Variants in PLEKHH1 observed in about 807,000 individuals in gnomAD.
The protein encoded by PLEKHH1 is pleckstrin homology domain-containing family H member 1.
PLEKHH1 carries 104 observed loss-of-function variants against 160.0 expected under a neutral mutation model. The ratio of observed to expected loss-of-function variants is 0.65; its 90% confidence interval spans 0.55 to 0.76. The LOEUF (loss-of-function observed/expected upper bound fraction) is 0.76. PLEKHH1 is among the 30% of genes least tolerant of loss of function. PLEKHH1 has a pLI of 0.00. For synonymous variants in PLEKHH1, 619 were observed against 678.4 expected, an observed-to-expected ratio of 0.91 and a Z score of 1.36; for missense variants, 1,427 against 1,724.1, an observed-to-expected ratio of 0.83 and a Z score of 3.05.
At chr14:67,544,282 G>A (rs576977113) in intron 2 of PLEKHH1, among the ~76,000 whole-genome samples, 7 of 152,098 alleles carry the variant, frequency 4.6e-5, no homozygotes, top group Admixed American at 1.3e-4. Context: ...AGAACCTGAC[G>A]ATAACACTGG....
rs759201407 is a variant in PLEKHH1, at chr14:67,573,928, G to T, written c.1926+41G>T. ...GCTGCTAGTATTTTAAACAGAAGAGGTGCTGGGTTTGGATATGGCCGTGAG... is the reference window on the plus strand; with the variant it reads ...GCTGCTAGTATTTTAAACAGAAGAGTTGCTGGGTTTGGATATGGCCGTGAG... On this transcript the variant is annotated intron_variant, in intron 13 of 28. Transcript: ENST00000329153. The surrounding 1 kb of genome is among the most constrained non-coding windows in gnomAD (Gnocchi z 4.8). The T allele has an allele frequency of 6.8e-7, 1 of 1,463,608 alleles. No homozygotes were observed. Among genetic ancestry groups the T allele is most frequent in the Non-Finnish European group, 9.6e-7 (1 of 1,042,334 alleles). 90.7% of individuals were successfully genotyped at this position (1,463,608 alleles called of 1,614,324 possible). A position where few individuals can be genotyped will look rare whatever the true frequency, so the allele number is the denominator to read the frequency against.
In PLEKHH1 at chr14:67,563,002, A is replaced by G. The variant is rs906443008; in HGVS notation, c.1263+108A>G. Reference sequence around the variant, plus strand: ...AGGAGAGGAGGCTGCTGGCATCCTCATGGTGGCCCTGGCAGGCAGGTACCA... The same window carrying G: ...AGGAGAGGAGGCTGCTGGCATCCTCGTGGTGGCCCTGGCAGGCAGGTACCA... On this transcript the variant is annotated intron_variant, in intron 7 of 28. Coordinates refer to ENST00000329153, the MANE Select transcript of PLEKHH1 (RefSeq NM_020715.3). 6.9e-6 allele frequency: 8 copies of G among 1,164,212 alleles called. No homozygotes were observed. In the South Asian group the frequency reaches 1.3e-4, roughly 19 times the overall value. The allele number at this position is 1,164,212 out of a possible 1,614,324, so 72.1% of individuals were successfully genotyped here. A position where few individuals can be genotyped will look rare whatever the true frequency, so the allele number is the denominator to read the frequency against.
intron 28 of PLEKHH1, chr14:67,586,447 C>T: frequency 7.7e-7 from 1 of 1,304,544 alleles, no homozygotes; most frequent in Non-Finnish European, 1.0e-6. Flanking sequence ...AGGGCAGATT[C>T]CTCTTTAAGG....
rs541130184 is a variant in PLEKHH1, at chr14:67,548,135, G to C, written c.126+6142G>C. On this transcript the variant is annotated intron_variant, in intron 2 of 28. Coordinates refer to ENST00000329153, the MANE Select transcript of PLEKHH1 (RefSeq NM_020715.3). Reference sequence around the variant, plus strand: ...TTGGCCTGCTAGAGAAGCCACAAAGGCTATTCAGACCAATTTAAAAATTGA... The same window carrying C: ...TTGGCCTGCTAGAGAAGCCACAAAGCCTATTCAGACCAATTTAAAAATTGA... Among the ~76,000 whole-genome samples the C allele has an allele frequency of 6.6e-5, 10 of 152,272 alleles. No homozygotes were observed. In the East Asian group the frequency reaches 1.5e-3, roughly 24 times the overall value.
chr14:67,538,323 C>T (rs1215260735), intron 1 of PLEKHH1, among the ~76,000 whole-genome samples: 1 of 152,198 alleles, frequency 6.6e-6, no homozygotes, highest in Non-Finnish European at 1.5e-5. Context: ...CTCCTTAGCT[C>T]TATGCAAGGC....
At position 67,576,097 on chromosome 14, in the gene PLEKHH1, AT is replaced by A; in HGVS notation, c.2352+95del. ...TTCTCCTGAGCTTCCCAAAATTCAA[AT>A]TTATTTCCTTTTGGACACTTTGGCA... On this transcript the variant is annotated intron_variant, in intron 16 of 28. Coordinates refer to ENST00000329153, the MANE Select transcript of PLEKHH1 (RefSeq NM_020715.3). This position sits in a 1 kb window ranked among gnomAD's most constrained non-coding sequence, Gnocchi z 4.0. 1 of 1,039,418 alleles carries A rather than the reference AT, an allele frequency of 9.6e-7. No homozygotes were observed. Among genetic ancestry groups the A allele is most frequent in the Non-Finnish European group, 1.4e-6 (1 of 706,494 alleles). 64.4% of individuals were successfully genotyped at this position (1,039,418 alleles called of 1,614,324 possible).
At chr14:67,577,551 C>G (rs760574839) in intron 18 of PLEKHH1, 137 bp downstream of exon 18, 96 of 630,990 alleles carry the variant, frequency 1.5e-4, no homozygotes, top group Non-Finnish European at 2.5e-4. Context: ...CCTATCACTT[C>G]CTGGATGGCA....
chr14:67,578,766 C>T lies in PLEKHH1; in HGVS notation c.2849+135C>T. 1.5e-6 allele frequency: 1 copy of T among 686,538 alleles called. No homozygotes were observed. Among genetic ancestry groups the T allele is most frequent in the Non-Finnish European group, 2.6e-6 (1 of 378,708 alleles). 42.5% of individuals were successfully genotyped at this position (686,538 alleles called of 1,614,324 possible). On this transcript the variant is annotated intron_variant, in intron 20 of 28. Coordinates refer to ENST00000329153, the MANE Select transcript of PLEKHH1 (RefSeq NM_020715.3). This position sits in a 1 kb window ranked among gnomAD's most constrained non-coding sequence, Gnocchi z 5.0. ...CCGCTCAGTGGTCGTGGAGACTTCA[C>T]CCATTGCCGTGTGCACAAATGGGCA...
At position 67,569,205 on chromosome 14, in the gene PLEKHH1, C is replaced by A. The variant is rs373456830; in HGVS notation, c.1331C>A (p.Thr444Asn). The change falls in exon 8 of 29, where the codon ACT becomes AAT. Residue 444 changes from threonine (T) to asparagine (N), a missense_variant. Transcript: ENST00000329153. ...TCAGATATGTCTCCCAGAAGTAATA[C>A]TGCATGCTGCGGTGAGTTCCAAGTG... is the stretch of plus-strand genomic sequence containing the variant. Reference protein sequence around the residue: ...RLSDMSPRSNTACCASSPPAL... With the variant: ...RLSDMSPRSNNACCASSPPAL... 6.2e-7 allele frequency: 1 copy of A among 1,610,700 alleles called. No individual in the cohort carries two copies. Among genetic ancestry groups the A allele is most frequent in the Middle Eastern group, 1.7e-4 (1 of 6,058 alleles).
At chr14:67,569,813 C>A in intron 8 of PLEKHH1, 108 bp from the exon 9 acceptor site, 1 of 733,606 alleles carries the variant, frequency 1.4e-6, no homozygotes, top group Non-Finnish European at 2.4e-6. Flanking sequence ...TGAGATCTGT[C>A]ACTGGCCTGC....
At chr14:67,585,713 TCTC>T (rs1462474859) in intron 27 of PLEKHH1, 59 bp downstream of exon 27, 2 of 1,299,814 alleles carry the variant, frequency 1.5e-6, no homozygotes, top group East Asian at 2.5e-5. Context: ...GGTCTTTTCT[TCTC>T]CTCTGTGGAC....
rs147595905 is a variant in PLEKHH1, at chr14:67,567,278, A to G, written c.1264-1860A>G. ...ATGAAATGTCAGAGAACATTTCTCA[A>G]TCTGACGGTGTGAGAAATACTTATG... On this transcript the variant is annotated intron_variant, in intron 7 of 28. Coordinates refer to ENST00000329153, the MANE Select transcript of PLEKHH1 (RefSeq NM_020715.3). Among the ~76,000 whole-genome samples the G allele has an allele frequency of 3.3e-3, 503 of 152,314 alleles. 7 individuals are homozygous for G. Among genetic ancestry groups the G allele is most frequent in the African/African-American group, 0.012 (482 of 41,562 alleles).
In PLEKHH1 at chr14:67,584,045, C is replaced by T. The variant is rs980772009; in HGVS notation, c.3620C>T (p.Ser1207Phe). The change falls in exon 26 of 29, where the codon TCC (serine) becomes TTC (phenylalanine). Residue 1207 changes from serine (S) to phenylalanine (F), a missense_variant. Physicochemically the swap from Ser to Phe is radical, Grantham distance 155 (BLOSUM62 -2). Transcript: ENST00000329153. Reference protein sequence around the residue: ...TTKWATLQGCSPPECIRIYLT... With the variant: ...TTKWATLQGCFPPECIRIYLT... ...AAATGGGCAACATTGCAAGGATGCT[C>T]CCCTCCTGAGTGCATCCGCATCTAC... is the stretch of plus-strand genomic sequence containing the variant. 1.2e-6 allele frequency: 2 copies of T among 1,613,958 alleles called. No homozygotes were observed. Among genetic ancestry groups the T allele is most frequent in the Non-Finnish European group, 1.7e-6 (2 of 1,179,850 alleles).
At position 67,588,308 on chromosome 14, in the gene PLEKHH1, A is replaced by G. The variant is rs1402384190; in HGVS notation, c.*1073A>G. On this transcript the variant is annotated 3_prime_UTR_variant, in exon 29 of 29. Coordinates refer to ENST00000329153, the MANE Select transcript of PLEKHH1 (RefSeq NM_020715.3). ...TCCTTCTTCTTGTAAAAGACCAAGC[A>G]AATGCACTCTGCTTTTTGCTGCTGT... 6.6e-6 allele frequency: 1 copy of G among 152,568 alleles called. No individual in the cohort carries two copies. The highest frequency in any genetic ancestry group is 1.5e-5 in the Non-Finnish European group (1 of 68,038). 9.5% of individuals were successfully genotyped at this position (152,568 alleles called of 1,614,324 possible).
rs879929478 is a variant in PLEKHH1 at position 67,577,479 on chromosome 14, G to A, written c.2574+65G>A. On this transcript the variant is annotated intron_variant, in intron 18 of 28. Transcript: ENST00000329153. ...TGCAATACTTGGGTGGAGAAGGCCT[G>A]TGCAGTTGGGGACAACCCACAGAGG... is the stretch of plus-strand genomic sequence containing the variant. The A allele has an allele frequency of 1.8e-5, 19 of 1,044,706 alleles. No homozygotes were observed. The East Asian group carries it at 2.8e-4, about 16-fold the overall frequency. The allele number at this position is 1,044,706 out of a possible 1,614,324, so 64.7% of individuals were successfully genotyped here.
chr14:67,572,292 G>A lies in PLEKHH1; in HGVS notation c.1728+15G>A, dbSNP rs778474780. The stretch of plus-strand genomic sequence containing the variant: ...GCCTGGGCGGGGTGAGCCGGGAAAC[G>A]GGCGGGGGCAGGGTGGAAGCAGAAT... On this transcript the variant is annotated intron_variant, in intron 11 of 28. Transcript: ENST00000329153. 4.8e-5 allele frequency: 76 copies of A among 1,578,552 alleles called. No individual in the cohort carries two copies. Among genetic ancestry groups the A allele is most frequent in the Middle Eastern group, 1.7e-4 (1 of 6,042 alleles).
rs2034856883 is a variant in PLEKHH1, at chr14:67,561,959, G to A, written c.429G>A (p.Glu143=). ...TCATTTTTCTTTTTGCTCAGCTTGA[G>A]ATGGAGAATCAGCATCTGAAAAGCC... The part of the protein sequence containing the change: ...EWVTLKLAKL[E]MENQHLKSHN... The change falls in exon 6 of 29, where the codon GAG becomes GAA. Residue 143 remains glutamate (E), a synonymous_variant. Coordinates refer to ENST00000329153, the MANE Select transcript of PLEKHH1 (RefSeq NM_020715.3). The A allele has an allele frequency of 6.2e-7, 1 of 1,612,694 alleles. No homozygotes were observed. Among genetic ancestry groups the A allele is most frequent in the African/African-American group, 1.3e-5 (1 of 74,854 alleles).
rs1053561175 is a variant in PLEKHH1, at chr14:67,574,266, T to C, written c.1951T>C (p.Tyr651His). The C allele has an allele frequency of 3.1e-6, 5 of 1,607,948 alleles. No individual in the cohort carries two copies. The Admixed American group carries it at 6.8e-5, about 22-fold the overall frequency. ...FQLISEKKTY[Y>H]LTADSPSLLE... ...GCTCATCTCTGAGAAGAAAACCTACTACCTGACGGCCGATTCACCCAGCCT... is the reference window on the plus strand; with the variant it reads ...GCTCATCTCTGAGAAGAAAACCTACCACCTGACGGCCGATTCACCCAGCCT... The change falls in exon 14 of 29, where the codon TAC becomes CAC. Residue 651 changes from tyrosine (Y) to histidine (H), a missense_variant. Coordinates refer to ENST00000329153, the MANE Select transcript of PLEKHH1 (RefSeq NM_020715.3). This position sits in a 1 kb window ranked among gnomAD's most constrained non-coding sequence, Gnocchi z 4.2.
intron 21 of PLEKHH1, 101 bp downstream of exon 21, chr14:67,579,412 GC>G: frequency 2.1e-6 from 2 of 959,904 alleles, no homozygotes. Context: ...GTTCACTGTT[GC>G]CCCAGAAGTA....
Sources: gnomAD v4.1 joint callset for allele counts (sites outside exome capture counted in the v4.1 genomes callset) on GRCh38, gnomAD v4.1.1 for gene constraint, Gnocchi (gnomAD v3.1) non-coding constraint, MANE v1.5 for transcripts, NCBI Gene and HGNC (gene_info 2026-07-23, HGNC 2026-07-21) for gene names.